The following TPP1 variants were observed in gnomAD, a reference collection of about 807,000 sequenced individuals.
TPP1 encodes the protein tripeptidyl-peptidase 1.
A neutral mutation model predicts 67.6 loss-of-function variants in TPP1; 43 were observed. The observed-to-expected ratio is 0.64, with a 90% confidence interval of 0.50 to 0.82. TPP1 has a LOEUF of 0.82. Among genes scored for constraint, TPP1 ranks in the 40% least tolerant of loss-of-function variants. TPP1 has a pLI of 0.00. For synonymous variants in TPP1, 272 were observed against 281.5 expected (o/e 0.97, Z 0.34); for missense variants, 671 against 710.9 (o/e 0.94, Z 0.64).
Position 6,617,150 on chromosome 11 carries a change from C to T in TPP1, c.512G>A (p.Gly171Glu), listed in dbSNP as rs779895571. The change falls in exon 6 of 13, where the codon GGG becomes GAG. Residue 171 changes from glycine to glutamate, a missense_variant. Gly to Glu is a moderately conservative substitution (Grantham distance 98). Transcript: ENST00000299427. ...TGTTGGGGGAAAACGGTGCAGTCCC[C>T]CCACTGTAGGGAGAAGTCAGGCTTG... The part of the protein sequence containing the change: ...QALAPHVDFV[G>E]GLHRFPPTSS... 5 of 1,613,970 alleles carry T rather than the reference C, an allele frequency of 3.1e-6. No individual in the cohort carries two copies. The highest frequency in any genetic ancestry group is 3.3e-5 in the Admixed American group (2 of 59,996).
rs1462672444 is a variant in TPP1, at chr11:6,619,267, G to T, written c.18C>A (p.Cys6Ter). 1 of 1,614,188 alleles carries T rather than the reference G, an allele frequency of 6.2e-7. No individual in the cohort carries two copies. Among genetic ancestry groups the T allele is most frequent in the East Asian group, 2.2e-5 (1 of 44,884 alleles). The change falls in exon 2 of 13, where the codon TGC becomes TGA. Residue 6 changes from cysteine to a stop codon, truncating the protein, a stop_gained and splice_region_variant. Transcript: ENST00000299427. LOFTEE classifies it high-confidence loss of function. MGLQA[C>*]LLGLFALILS... ...GGATGAGGGCAAAGAGCCCTAGGAG[G>T]CTGTAGGGGCAGCAGGTGGGTTTCA...
chr11:6,619,367 C>A lies in TPP1; in HGVS notation c.17+17G>T. 1 of 1,614,202 alleles carries A rather than the reference C, an allele frequency of 6.2e-7. No homozygotes were observed. Among genetic ancestry groups the A allele is most frequent in the Non-Finnish European group, 8.5e-7 (1 of 1,180,030 alleles). ...TCCAACGTGATCCCTTTCTCCCGAG[C>A]CCTCTCAATTTCTCACCAGGCTTGG... On this transcript the variant is annotated intron_variant, in intron 1 of 12. Coordinates refer to ENST00000299427, the MANE Select transcript of TPP1 (RefSeq NM_000391.4).
At chr11:6,618,224 C>T (rs969598619) in intron 3 of TPP1, 14 of 333,322 alleles carry the variant, frequency 4.2e-5, no homozygotes, top group African/African-American at 2.4e-4. Flanking sequence ...CACACTGCCC[C>T]GTCCCCAGCC....
Position 6,615,422 on chromosome 11 carries a change from A to G in TPP1, c.1266+20T>C, listed in dbSNP as rs1407256796. ...CCATCCTCACTCTTACCCTGCATCC[A>G]TCCACACAAACACACGTACCTGGTA... On this transcript the variant is annotated intron_variant, in intron 10 of 12. Transcript: ENST00000299427. 1 of 1,614,184 alleles carries G rather than the reference A, an allele frequency of 6.2e-7. No homozygotes were observed.
chr11:6,616,008 G>A lies in TPP1; in HGVS notation c.1142C>T (p.Ser381Phe), dbSNP rs1241569976. Residue 381 changes from serine (S) to phenylalanine (F), a missense_variant, in exon 9 of 13, where the codon TCC (serine) becomes TTC (phenylalanine). Transcript: ENST00000299427. ...RHQFRPTFPASSPYVTTVGGT... is the reference protein window; with the variant it reads ...RHQFRPTFPAFSPYVTTVGGT... ...AGTGGTAGGCTAGAGTACTTACCTG[G>A]AGGCAGGGAAGGTAGGGCGGAACTG... The A allele has an allele frequency of 6.2e-7, 1 of 1,614,018 alleles. No homozygotes were observed. The highest frequency in any genetic ancestry group is 1.3e-5 in the African/African-American group (1 of 74,902).
rs746660467 is a variant in TPP1 at position 6,617,739 on chromosome 11, C to T, written c.267G>A (p.Val89=). 52 of 1,614,106 alleles carry T rather than the reference C, an allele frequency of 3.2e-5. No homozygotes were observed. Among genetic ancestry groups the T allele is most frequent in the Non-Finnish European group, 2.3e-5 (27 of 1,180,042 alleles). The part of the protein sequence containing the change: ...YLTLENVADL[V]RPSPLTLHTV... ...TGTGGAGGGTCAGTGGGGATGGCCT[C>T]ACCAGATCAGCCACATTCTCTAGGG... is the stretch of plus-strand genomic sequence containing the variant. Residue 89 remains valine, a synonymous_variant, in exon 4 of 13, where the codon GTG becomes GTA. Transcript: ENST00000299427.
At chr11:6,616,605 G>A in intron 7 of TPP1, 56 bp downstream of exon 7, 1 of 1,612,696 alleles carries the variant, frequency 6.2e-7, no homozygotes, top group Non-Finnish European at 8.5e-7. Context: ...TGAGGGAGCA[G>A]GGATCAACAC....
rs1855526456 is a variant in TPP1, at chr11:6,613,391, CA to C, written c.*1154del. 6.6e-6 allele frequency: 1 copy of C among 152,070 alleles called. No individual in the cohort carries two copies. The highest frequency in any genetic ancestry group is 1.5e-5 in the Non-Finnish European group (1 of 68,006). The allele number at this position is 152,070 out of a possible 1,614,324, so 9.4% of individuals were successfully genotyped here. A position where few individuals can be genotyped will look rare whatever the true frequency, so the allele number is the denominator to read the frequency against. Reference sequence around the variant, plus strand: ...GGAAAAATGATTTTTTACTTAAGAACAAATAGCAAGGAAGGTTTGTGAGCTA... The same window carrying C: ...GGAAAAATGATTTTTTACTTAAGAACAATAGCAAGGAAGGTTTGTGAGCTA... On this transcript the variant is annotated 3_prime_UTR_variant, in exon 13 of 13. Coordinates refer to ENST00000299427, the MANE Select transcript of TPP1 (RefSeq NM_000391.4).
rs1855543657 is a variant in TPP1, at chr11:6,614,461, A to C, written c.*85T>G. ...TGCAGCAGTCAATAGTTGAGGGTTC[A>C]GCAGGGCTTCCAACAGGGCAGAATA... is the stretch of plus-strand genomic sequence containing the variant. On this transcript the variant is annotated 3_prime_UTR_variant, in exon 13 of 13. Transcript: ENST00000299427. The C allele has an allele frequency of 6.3e-7, 1 of 1,591,164 alleles. No homozygotes were observed. Among genetic ancestry groups the C allele is most frequent in the Non-Finnish European group, 8.6e-7 (1 of 1,161,330 alleles).
At chr11:6,616,237 G>A (rs1331293109) in intron 8 of TPP1, 78 bp downstream of exon 8, 12 of 1,602,768 alleles carry the variant, frequency 7.5e-6, no homozygotes, top group Non-Finnish European at 1.0e-5. Context: ...CAGAGACCAG[G>A]CTCAGGGATC....
intron 4 of TPP1, 54 bp downstream of exon 4, chr11:6,617,572 C>A (rs1855605699): frequency 6.2e-7 from 1 of 1,613,154 alleles, no homozygotes; most frequent in South Asian, 1.1e-5. Context: ...CCCTCCCATC[C>A]ATCTCACTGA....
At chr11:6,615,783 G>T in intron 9 of TPP1, 1 of 779,056 alleles carries the variant, frequency 1.3e-6, no homozygotes, top group Non-Finnish European at 2.1e-6. Flanking sequence ...CCACTAAAAT[G>T]CCTGGGAACT....
At position 6,619,179 on chromosome 11, in the gene TPP1, G is replaced by A; in HGVS notation, c.89+17C>T. 6.2e-7 allele frequency: 1 copy of A among 1,613,952 alleles called. No homozygotes were observed. Among genetic ancestry groups the A allele is most frequent in the African/African-American group, 1.3e-5 (1 of 75,034 alleles). On this transcript the variant is annotated intron_variant, in intron 2 of 12. Coordinates refer to ENST00000299427, the MANE Select transcript of TPP1 (RefSeq NM_000391.4). ...CAGGGTATGGGGAAGGGGGCAGTCT[G>A]TGCTAAGTCAACTCACGTCCTCCGC... is the stretch of plus-strand genomic sequence containing the variant.
Position 6,618,757 on chromosome 11 carries a change from C to T in TPP1, c.229+19G>A, listed in dbSNP as rs777908974. 6.2e-7 allele frequency: 1 copy of T among 1,613,264 alleles called. No individual in the cohort carries two copies. On this transcript the variant is annotated intron_variant, in intron 3 of 12. Coordinates refer to ENST00000299427, the MANE Select transcript of TPP1 (RefSeq NM_000391.4). ...CCCTCCACCGCATCCCACATCCTGTCCTCAGTCCCAAAAGGCACCGTATTG... is the reference window on the plus strand; with the variant it reads ...CCCTCCACCGCATCCCACATCCTGTTCTCAGTCCCAAAAGGCACCGTATTG...
intron 11 of TPP1, 62 bp downstream of exon 11, chr11:6,615,109 T>C: frequency 6.2e-7 from 1 of 1,613,928 alleles, no homozygotes; most frequent in East Asian, 2.2e-5. Context: ...TGCAAGGTGT[T>C]CAAGGTGTTA....
chr11:6,616,175 T>TG, intron 8 of TPP1, 101 bp from the exon 9 acceptor site: 1 of 1,577,836 alleles, frequency 6.3e-7, no homozygotes, highest in African/African-American at 1.3e-5. Flanking sequence ...GGTCAGAGTG[T>TG]AGAGGTCAGG....
At chr11:6,619,110 C>T (rs1855630407) in intron 2 of TPP1, 86 bp downstream of exon 2, 25 of 1,552,162 alleles carry the variant, frequency 1.6e-5, no homozygotes, top group Non-Finnish European at 2.0e-5. Context: ...TAGGAGCTGG[C>T]ACGGGGGTGA....
Position 6,614,958 on chromosome 11 carries a change from A to G in TPP1, c.1459T>C (p.Leu487=). 1 of 1,614,164 alleles carries G rather than the reference A, an allele frequency of 6.2e-7. No individual in the cohort carries two copies. The stretch of plus-strand genomic sequence containing the variant: ...CTAAGGATCCTGTGCTCATTGATCA[A>G]GGATAGGATCCCCCCAAACACTGGA... ...STPVFGGILS[L]INEHRILSGR... Residue 487 remains leucine, a synonymous_variant, in exon 12 of 13, where the codon TTG becomes CTG. Coordinates refer to ENST00000299427, the MANE Select transcript of TPP1 (RefSeq NM_000391.4).
At chr11:6,615,954 T>G (rs748281007) in intron 9 of TPP1, 51 bp downstream of exon 9, 1 of 1,592,732 alleles carries the variant, frequency 6.3e-7, no homozygotes, top group East Asian at 2.2e-5. Context: ...CATCATGAGA[T>G]CACAAGTGAA....
Sources: allele counts gnomAD v4.1 joint callset, GRCh38; gene constraint gnomAD v4.1.1; transcripts MANE v1.5; gene names NCBI Gene and HGNC (gene_info 2026-07-23, HGNC 2026-07-21).